NEBL: variants seen among roughly 807,000 people sequenced by gnomAD.
NEBL encodes LIM and SH3 protein 2.
In NEBL, 122 loss-of-function variants were observed where a neutral mutation model predicts 140.2. The ratio of observed to expected loss-of-function variants is 0.87; its 90% CI spans 0.75 to 1.01. The LOEUF (loss-of-function observed/expected upper bound fraction) is 1.01, where lower values mean the gene tolerates loss of function less well. NEBL is among the 50% of genes least tolerant of loss of function. The probability of loss-of-function intolerance (pLI) is 0.00; values close to 1 mark genes in which losing one functional copy is unlikely to be tolerated. For missense variants in NEBL, 1,365 were observed against 1,231.3 expected, an observed-to-expected ratio of 1.11 and a Z score of -1.62; for synonymous variants, 436 against 398.9, an observed-to-expected ratio of 1.09 and a Z score of -1.11.
intron 2 of NEBL, among the ~76,000 whole-genome samples, chr10:21,068,657 G>C (rs1835674958): frequency 6.6e-6 from 1 of 152,186 alleles, no homozygotes; most frequent in South Asian, 2.1e-4. Context: ...CAGCTACTAA[G>C]CCAGTACACC....
In NEBL at chr10:20,835,544, T is replaced by G; in HGVS notation, c.1418A>C (p.His473Pro). Residue 473 changes from histidine to proline, a missense_variant, in exon 14 of 28, where the codon CAT (histidine) becomes CCT (proline). Transcript: ENST00000377122. ...QAGTDTLEMQ[H>P]AKKAAEIASE... is the part of the protein sequence containing the mutation. ...CGCTATCTCTGCAGCCTTCTTGGCA[T>G]GCTGCATTTCAAGGGTGTCAGTGCC... 6.2e-7 allele frequency: 1 copy of G among 1,612,458 alleles called. No individual in the cohort carries two copies. Among genetic ancestry groups the G allele is most frequent in the Non-Finnish European group, 8.5e-7 (1 of 1,179,602 alleles).
At chr10:21,244,839 T>A (rs1413448207) in intron 3 of NEBL, among the ~76,000 whole-genome samples, 1 of 151,116 alleles carries the variant, frequency 6.6e-6, no homozygotes, top group East Asian at 2.0e-4. Context: ...AGTGAGACCC[T>A]CACCTCTAAA....
upstream of NEBL, among the ~76,000 whole-genome samples, chr10:21,178,066 T>C (rs1841331452): frequency 6.6e-6 from 1 of 152,222 alleles, no homozygotes; most frequent in East Asian, 1.9e-4. Flanking sequence ...AGGTCAATTT[T>C]AGCTCACAGT....
chr10:21,041,897 C>T (rs1380663829), intron 2 of NEBL, among the ~76,000 whole-genome samples: 1 of 152,162 alleles, frequency 6.6e-6, no homozygotes, highest in Admixed American at 6.5e-5. Context: ...TGTAAACTGT[C>T]ATGGTGCTGG....
intron 3 of NEBL, among the ~76,000 whole-genome samples, chr10:21,229,861 T>A (rs779885884): frequency 1.1e-4 from 17 of 152,182 alleles, no homozygotes; most frequent in Non-Finnish European, 2.1e-4. Flanking sequence ...CTGGTAAACC[T>A]CATGTGGGAG....
chr10:20,899,940 G>GT (rs1266896358), upstream of NEBL, among the ~76,000 whole-genome samples: 4 of 152,062 alleles, frequency 2.6e-5, no homozygotes, highest in East Asian at 7.7e-4. Context: ...TTCATGCAAA[G>GT]TTTTCTCTAA....
chr10:21,271,675 G>A (rs1001707419), intron 1 of NEBL, among the ~76,000 whole-genome samples: 3 of 151,640 alleles, frequency 2.0e-5, no homozygotes, highest in Non-Finnish European at 2.9e-5. Context: ...ATGGGCACCC[G>A]CCACCACGCC....
At chr10:21,034,943 C>CTTAT (rs199827432) in intron 2 of NEBL, among the ~76,000 whole-genome samples, 1,560 of 142,302 alleles carry the variant, frequency 0.011, 14 homozygotes, top group Middle Eastern at 0.028. Flanking sequence ...GCTATTTATT[C>CTTAT]TTATTTATTT....
At chr10:21,288,329 A>G (rs1323021083) in intron 1 of NEBL, among the ~76,000 whole-genome samples, 1 of 151,474 alleles carries the variant, frequency 6.6e-6, no homozygotes, top group Non-Finnish European at 1.5e-5. Flanking sequence ...TTAGCCAGGC[A>G]TGGTGCCAGG....
intron 4 of NEBL, among the ~76,000 whole-genome samples, chr10:20,945,844 AAAAC>A (rs1198674628): frequency 5.3e-5 from 8 of 152,234 alleles, no homozygotes; most frequent in Non-Finnish European, 1.2e-4. Context: ...AGAAAAAAGA[AAAAC>A]AAACCAACAA....
rs1835028570 is a variant in NEBL, at chr10:20,781,399, C to T, written c.*4348G>A. ...GGTTCAATTTTGATCACAGGTCAAA[C>T]ATCAAGTTTCACACCATGCCTGTAA... On this transcript the variant is annotated 3_prime_UTR_variant, in exon 28 of 28. Coordinates refer to ENST00000377122, the MANE Select transcript of NEBL (RefSeq NM_006393.3). 6.6e-6 allele frequency: 1 copy of T among 152,272 alleles called. No homozygotes were observed. The highest frequency in any genetic ancestry group is 1.5e-5 in the Non-Finnish European group (1 of 68,036). 9.4% of individuals were successfully genotyped at this position (152,272 alleles called of 1,614,324 possible). A position where few individuals can be genotyped will look rare whatever the true frequency, so the allele number is the denominator to read the frequency against.
chr10:21,017,567 G>A (rs1011752393), intron 3 of NEBL, among the ~76,000 whole-genome samples: 6 of 151,996 alleles, frequency 3.9e-5, no homozygotes, highest in African/African-American at 7.3e-5. Flanking sequence ...GAATAAAATC[G>A]GCCATTCATA....
At position 21,288,843 on chromosome 10, in the gene NEBL, TATATATAA is replaced by T. The variant is rs200007997; in HGVS notation, n.182+3979_182+3986del. Among the ~76,000 whole-genome samples, 131 of 97,502 alleles carry T rather than the reference TATATATAA, an allele frequency of 1.3e-3. 5 individuals carry two copies. Among genetic ancestry groups the T allele is most frequent in the African/African-American group, 5.3e-3 (123 of 23,352 alleles). The allele number at this position is 97,502 out of a possible 152,430, so 64.0% of individuals were successfully genotyped here. ...GTGTATATATATATATATATATATA[TATATATAA>T]AAATTTTTTTTTTTTGAGACGGAGT... On this transcript the variant is annotated intron_variant and non_coding_transcript_variant, in intron 1 of 8. Coordinates refer to the NEBL transcript ENST00000675702.
chr10:21,168,030 T>A (rs1007008231), intron 2 of NEBL, among the ~76,000 whole-genome samples: 2 of 152,234 alleles, frequency 1.3e-5, no homozygotes, highest in Non-Finnish European at 2.9e-5. Context: ...CAATCTTACA[T>A]CTAGTGTGTA....
intron 2 of NEBL, among the ~76,000 whole-genome samples, chr10:21,096,488 AGTGTGTGTGTGTGTGTGT>A (rs10541564): frequency 1.8e-3 from 257 of 141,572 alleles, no homozygotes; most frequent in African/African-American, 6.3e-3. Context: ...CTTGGTTTTG[AGTGTGTGTGTGTGTGTGT>A]GTGTGTGTGT....
rs190642626 is a variant in NEBL, at chr10:21,076,621, C to T, written c.165-56420G>A. Among the ~76,000 whole-genome samples, 4 of 152,194 alleles carry T rather than the reference C, an allele frequency of 2.6e-5. No homozygotes were observed. In the East Asian group the frequency reaches 7.7e-4, roughly 29 times the overall value. On this transcript the variant is annotated intron_variant, in intron 2 of 6. Coordinates refer to the NEBL transcript ENST00000417816. The stretch of plus-strand genomic sequence containing the variant: ...AGGCAGAAGCAACCCACGTGTCCAT[C>T]AATGAATGAATCAGAAAACAGAATG...
chr10:21,008,334 G>T (rs985492869), intron 3 of NEBL, among the ~76,000 whole-genome samples: 1 of 152,138 alleles, frequency 6.6e-6, no homozygotes, highest in Non-Finnish European at 1.5e-5. Flanking sequence ...TTTCGAGAAA[G>T]AGAGAGACCA....
chr10:21,029,269 C>G, intron 2 of NEBL: 1 of 1,593,822 alleles, frequency 6.3e-7, no homozygotes, highest in Non-Finnish European at 8.6e-7. Context: ...GAGCTTTCTT[C>G]CCAAATCGCC....
At chr10:21,149,494 T>C (rs562256050) in intron 2 of NEBL, among the ~76,000 whole-genome samples, 1 of 152,324 alleles carries the variant, frequency 6.6e-6, no homozygotes, top group African/African-American at 2.4e-5. Context: ...TTTCACCATG[T>C]TGGCCAGGCT....
Sources: gnomAD v4.1 joint callset for allele counts (sites outside exome capture counted in the v4.1 genomes callset) on GRCh38, gnomAD v4.1.1 for gene constraint, MANE v1.5 for transcripts, NCBI Gene and HGNC (gene_info 2026-07-23, HGNC 2026-07-21) for gene names.